Variants in IP6K1 observed in about 807,000 individuals in gnomAD.
The protein encoded by IP6K1 is ATP:1D-myo-inositol-hexakisphosphate phosphotransferase.
In IP6K1, 13 loss-of-function variants were observed where a neutral mutation model predicts 38.3. That is an observed-to-expected ratio of 0.34 (90% CI 0.22 to 0.54). The LOEUF is 0.54. IP6K1 is among the 20% of genes least tolerant of loss of function. The probability of loss-of-function intolerance (pLI) is 0.92; values close to 1 mark genes in which losing one functional copy is unlikely to be tolerated. For synonymous variants in IP6K1, 212 were observed against 229.9 expected (o/e 0.92, Z 0.70); for missense variants, 397 against 599.8 (o/e 0.66, Z 3.53).
At chr3:49,738,865 C>T (rs1204559684) in intron 2 of IP6K1, among the ~76,000 whole-genome samples, 11 of 152,172 alleles carry the variant, frequency 7.2e-5, no homozygotes, top group Admixed American at 7.2e-4. Context: ...ACACTTCTCC[C>T]TCCAAGACGG....
In IP6K1 at chr3:49,726,937, G is replaced by A. The variant is rs1191752195; in HGVS notation, c.*185C>T. 1.7e-6 allele frequency: 1 copy of A among 602,460 alleles called. No individual in the cohort carries two copies. The highest frequency in any genetic ancestry group is 2.8e-6 in the Non-Finnish European group (1 of 357,260). 37.3% of individuals were successfully genotyped at this position (602,460 alleles called of 1,614,324 possible). A position where few individuals can be genotyped will look rare whatever the true frequency, so the allele number is the denominator to read the frequency against. On this transcript the variant is annotated 3_prime_UTR_variant, in exon 6 of 6. Coordinates refer to ENST00000321599, the MANE Select transcript of IP6K1 (RefSeq NM_153273.4). ...CTGAGGAGCCTGGCTGAGAGGGCGT[G>A]TGGTCTGCCCTCCTTCACTTTATAT...
intron 3 of IP6K1, among the ~76,000 whole-genome samples, chr3:49,735,554 A>G (rs1451643577): frequency 6.6e-6 from 1 of 152,208 alleles, no homozygotes; most frequent in African/African-American, 2.4e-5. Flanking sequence ...ACTGGAAGCC[A>G]TCTGTCCAAA....
chr3:49,770,300 T>C (rs919601641), intron 1 of IP6K1, among the ~76,000 whole-genome samples: 1 of 152,220 alleles, frequency 6.6e-6, no homozygotes, highest in African/African-American at 2.4e-5. Flanking sequence ...CAAATGTTGC[T>C]AGTAATGGAA....
chr3:49,744,737 T>C (rs955814953), intron 2 of IP6K1, among the ~76,000 whole-genome samples: 2 of 152,204 alleles, frequency 1.3e-5, no homozygotes, highest in Non-Finnish European at 2.9e-5. Context: ...GATATACTGA[T>C]TGCTACTGAA....
chr3:49,777,032 C>T (rs776822437), intron 1 of IP6K1, among the ~76,000 whole-genome samples: 9 of 151,686 alleles, frequency 5.9e-5, no homozygotes, highest in South Asian at 2.1e-4. Flanking sequence ...GTCAGGAGTT[C>T]GAGACAAGCC....
At chr3:49,758,489 C>G (rs2080843233) in intron 1 of IP6K1, 1 of 152,094 alleles carries the variant, frequency 6.6e-6, no homozygotes, top group Non-Finnish European at 1.5e-5. Context: ...AGCACGTCTG[C>G]AGTTTCATAT....
intron 1 of IP6K1, among the ~76,000 whole-genome samples, chr3:49,766,297 A>T (rs1186780386): frequency 1.3e-5 from 2 of 152,124 alleles, no homozygotes; most frequent in Non-Finnish European, 2.9e-5. Flanking sequence ...TGAGCCCAAG[A>T]GATCAAGTCT....
At chr3:49,733,257 AAAG>A (rs1182240587) in intron 3 of IP6K1, among the ~76,000 whole-genome samples, 3 of 81,754 alleles carry the variant, frequency 3.7e-5, no homozygotes, top group South Asian at 4.2e-4. Context: ...GGCTACAATC[AAAG>A]AAGAAAGTGG....
intron 1 of IP6K1, among the ~76,000 whole-genome samples, chr3:49,778,288 GC>G (rs1168756517): frequency 2.7e-5 from 4 of 149,638 alleles, no homozygotes; most frequent in African/African-American, 9.9e-5. Flanking sequence ...TCGCGCCACT[GC>G]ACTCCAGCCT....
In IP6K1 at chr3:49,727,769, C is replaced by G. The variant is rs2108219226; in HGVS notation, c.793-114G>C. 9.1e-7 allele frequency: 1 copy of G among 1,097,592 alleles called. No individual in the cohort carries two copies. Among genetic ancestry groups the G allele is most frequent in the Non-Finnish European group, 1.3e-6 (1 of 773,742 alleles). 68.0% of individuals were successfully genotyped at this position (1,097,592 alleles called of 1,614,324 possible). Reference sequence around the variant, plus strand: ...TGACCAACCTGAGCTTTTCTGCTCACCTATCTAAGTGGAACCAGGCAGGCC... The same window carrying G: ...TGACCAACCTGAGCTTTTCTGCTCAGCTATCTAAGTGGAACCAGGCAGGCC... On this transcript the variant is annotated intron_variant, in intron 5 of 5. Coordinates refer to ENST00000321599, the MANE Select transcript of IP6K1 (RefSeq NM_153273.4). This position sits in a 1 kb window ranked among gnomAD's most constrained non-coding sequence, Gnocchi z 5.9.
chr3:49,759,352 C>T (rs1559710867), intron 1 of IP6K1, among the ~76,000 whole-genome samples: 1 of 152,156 alleles, frequency 6.6e-6, no homozygotes, highest in Non-Finnish European at 1.5e-5. Flanking sequence ...AAAACGTCCA[C>T]CACAAAATAC....
chr3:49,743,006 T>C (rs771041233), intron 2 of IP6K1, among the ~76,000 whole-genome samples: 3 of 151,866 alleles, frequency 2.0e-5, no homozygotes, highest in Non-Finnish European at 4.4e-5. Context: ...GGCAAGTGGG[T>C]CACTTAAGGT....
At chr3:49,778,030 A>C (rs2081033493) in intron 1 of IP6K1, among the ~76,000 whole-genome samples, 1 of 151,562 alleles carries the variant, frequency 6.6e-6, no homozygotes, top group Admixed American at 6.6e-5. Context: ...TTTTTTTTTA[A>C]GACGGGGTCT....
At chr3:49,732,646 A>T in intron 4 of IP6K1, 145 bp downstream of exon 4, 1 of 605,428 alleles carries the variant, frequency 1.7e-6, no homozygotes, top group Non-Finnish European at 2.8e-6. Flanking sequence ...TGATGAAAGT[A>T]AACGAAGGAA....
intron 2 of IP6K1, among the ~76,000 whole-genome samples, chr3:49,740,323 G>A (rs568106050): frequency 2.4e-4 from 34 of 143,032 alleles, no homozygotes; most frequent in African/African-American, 8.1e-4. Flanking sequence ...TCTTGCCTTC[G>A]CTTCCCAAAG....
intron 2 of IP6K1, among the ~76,000 whole-genome samples, chr3:49,746,573 G>T (rs1321364930): frequency 1.4e-5 from 2 of 148,124 alleles, no homozygotes; most frequent in Non-Finnish European, 3.0e-5. Flanking sequence ...GGGAGGCTGA[G>T]GCAGGAGAAT....
chr3:49,736,589 A>G (rs1263535290), intron 3 of IP6K1, among the ~76,000 whole-genome samples: 3 of 152,178 alleles, frequency 2.0e-5, no homozygotes, highest in African/African-American at 7.2e-5. Context: ...TTACATGGAT[A>G]TACCATATTT....
At chr3:49,781,251 CAG>C (rs1559717629) in intron 1 of IP6K1, among the ~76,000 whole-genome samples, 1 of 152,246 alleles carries the variant, frequency 6.6e-6, no homozygotes, top group South Asian at 2.1e-4. Flanking sequence ...TTAGTAGAGA[CAG>C]AGTTTCACCA....
chr3:49,730,141 C>G (rs550906868), intron 4 of IP6K1, among the ~76,000 whole-genome samples: 1 of 152,134 alleles, frequency 6.6e-6, no homozygotes, highest in Non-Finnish European at 1.5e-5. Context: ...GATCTGCCCA[C>G]CTCGGCCTCC....
Sources: allele counts gnomAD v4.1 joint callset (sites outside exome capture counted in the v4.1 genomes callset), GRCh38; gene constraint gnomAD v4.1.1; non-coding constraint Gnocchi (gnomAD v3.1); transcripts MANE v1.5; gene names NCBI Gene and HGNC (gene_info 2026-07-23, HGNC 2026-07-21).